The following CACNA1B variants were observed in gnomAD, a reference collection of about 807,000 sequenced individuals.
The protein encoded by CACNA1B is voltage-dependent N-type calcium channel subunit alpha-1B.
A neutral mutation model predicts 247.2 loss-of-function variants in CACNA1B; 70 were observed. The observed-to-expected ratio is 0.28, with a 90% CI of 0.23 to 0.35. The LOEUF (loss-of-function observed/expected upper bound fraction) is 0.35. Ranked by LOEUF, CACNA1B falls within the 10% of genes least tolerant of loss-of-function variation. CACNA1B has a pLI of 1.00. For synonymous variants in CACNA1B, 1,231 were observed against 1,294.4 expected, an observed-to-expected ratio of 0.95 and a Z score of 1.05; for missense variants, 2,367 against 3,197.4, an observed-to-expected ratio of 0.74 and a Z score of 6.26.
chr9:138,112,633 T>C lies in CACNA1B; in HGVS notation c.5536+128T>C, dbSNP rs1961681764. The C allele has an allele frequency of 4.5e-6, 3 of 659,758 alleles. No individual in the cohort carries two copies. The Admixed American group carries it at 6.9e-5, about 15-fold the overall frequency. 40.9% of individuals were successfully genotyped at this position (659,758 alleles called of 1,614,324 possible). A position where few individuals can be genotyped will look rare whatever the true frequency, so the allele number is the denominator to read the frequency against. On this transcript the variant is annotated intron_variant, in intron 40 of 46. Coordinates refer to ENST00000371372, the MANE Select transcript of CACNA1B (RefSeq NM_000718.4). Reference sequence around the variant, plus strand: ...ACCTTGGAGAGGTGGGCTCACCTCCTCATGAATCTGCCCTCAGCTCCAACC... The same window carrying C: ...ACCTTGGAGAGGTGGGCTCACCTCCCCATGAATCTGCCCTCAGCTCCAACC...
In CACNA1B at chr9:138,058,469, G is replaced by C. The variant is rs1959595097; in HGVS notation, c.4309-100G>C. ...TGCTTCAATTTGTCTTCTGTTGTCA[G>C]GGCTCCCTGTGAGGCCTGGCGAGAC... On this transcript the variant is annotated intron_variant, in intron 28 of 46. Coordinates refer to ENST00000371372, the MANE Select transcript of CACNA1B (RefSeq NM_000718.4). This position sits in a 1 kb window ranked among gnomAD's most constrained non-coding sequence, Gnocchi z 4.7. 1 of 1,150,842 alleles carries C rather than the reference G, an allele frequency of 8.7e-7. No individual in the cohort carries two copies. The highest frequency in any genetic ancestry group is 1.2e-6 in the Non-Finnish European group (1 of 807,956). The allele number at this position is 1,150,842 out of a possible 1,614,324, so 71.3% of individuals were successfully genotyped here.
At chr9:138,019,724 G>A (rs1958819188) in intron 18 of CACNA1B, among the ~76,000 whole-genome samples, 1 of 152,194 alleles carries the variant, frequency 6.6e-6, no homozygotes, top group Non-Finnish European at 1.5e-5. Context: ...TTTGCTGCTG[G>A]CTGTCAGAGG....
At chr9:137,900,652 CTG>C (rs1398911211) in intron 3 of CACNA1B, among the ~76,000 whole-genome samples, 2 of 143,516 alleles carry the variant, frequency 1.4e-5, no homozygotes, top group African/African-American at 2.6e-5. Context: ...TGTGTCTGTG[CTG>C]TGTGTCCCTG....
intron 36 of CACNA1B, among the ~76,000 whole-genome samples, chr9:138,091,664 C>T (rs1367419723): frequency 6.6e-6 from 1 of 151,670 alleles, no homozygotes; most frequent in Non-Finnish European, 1.5e-5. Flanking sequence ...TACTGTACCC[C>T]ATAAATATAT....
In CACNA1B at chr9:137,882,670, C is replaced by T. The variant is rs1414947658; in HGVS notation, c.391-74C>T. On this transcript the variant is annotated intron_variant, in intron 2 of 46. Coordinates refer to ENST00000371372, the MANE Select transcript of CACNA1B (RefSeq NM_000718.4). This position sits in a 1 kb window ranked among gnomAD's most constrained non-coding sequence, Gnocchi z 4.0. The stretch of plus-strand genomic sequence containing the variant: ...TGGCCTGCACATGGTGGGGTGGGGT[C>T]CTCACCAACCGTCTCTGCCCGCTAC... 10 of 1,567,728 alleles carry T rather than the reference C, an allele frequency of 6.4e-6. No homozygotes were observed. Among genetic ancestry groups the T allele is most frequent in the Non-Finnish European group, 8.7e-6 (10 of 1,143,096 alleles).
intron 15 of CACNA1B, among the ~76,000 whole-genome samples, chr9:137,994,962 T>G (rs575591959): frequency 1.0e-3 from 153 of 152,270 alleles, no homozygotes; most frequent in South Asian, 5.8e-3. Flanking sequence ...CCCAGCACTT[T>G]GGAAGGCCAA....
chr9:138,096,525 G>A lies in CACNA1B; in HGVS notation c.5136G>A (p.Glu1712=), dbSNP rs1961060751. The A allele has an allele frequency of 6.2e-7, 1 of 1,612,864 alleles. No homozygotes were observed. Among genetic ancestry groups the A allele is most frequent in the Non-Finnish European group, 8.5e-7 (1 of 1,179,120 alleles). ...LFVAVIMDNF[E]YLTRDSSILG... is the part of the protein sequence containing the mutation. The stretch of plus-strand genomic sequence containing the variant: ...TGGCTGTGATCATGGACAATTTTGA[G>A]TACCTCACGCGGGACTCTTCCATCC... The change falls in exon 37 of 47, where the codon GAG becomes GAA. Residue 1712 remains glutamate, a synonymous_variant. Coordinates refer to ENST00000371372, the MANE Select transcript of CACNA1B (RefSeq NM_000718.4).
rs920376698 is a variant in CACNA1B, at chr9:137,880,740, C to T, written c.390+1581C>T. The stretch of plus-strand genomic sequence containing the variant: ...TCTTGACCAGTCCCAGTCCCATGTG[C>T]AGGCCCAGCCATTGATGTCCCCTGG... On this transcript the variant is annotated intron_variant, in intron 2 of 46. Transcript: ENST00000371372. This position sits in a 1 kb window ranked among gnomAD's most constrained non-coding sequence, Gnocchi z 4.8. Among the ~76,000 whole-genome samples the T allele has an allele frequency of 2.0e-5, 3 of 152,174 alleles. No individual in the cohort carries two copies. Among genetic ancestry groups the T allele is most frequent in the African/African-American group, 7.2e-5 (3 of 41,436 alleles).
At position 137,983,604 on chromosome 9, in the gene CACNA1B, T is replaced by C. The variant is rs73570241; in HGVS notation, c.1657-534T>C. On this transcript the variant is annotated intron_variant, in intron 12 of 46. Transcript: ENST00000371372. ...GGTGGCATGTGCTGTTTCCTGGTCATTGGGAGAAGAAAAGACTCAAGATGC... is the reference window on the plus strand; with the variant it reads ...GGTGGCATGTGCTGTTTCCTGGTCACTGGGAGAAGAAAAGACTCAAGATGC... Among the ~76,000 whole-genome samples the C allele has an allele frequency of 8.4e-3, 1,273 of 152,180 alleles. 25 individuals are homozygous for C. The highest frequency in any genetic ancestry group is 0.029 in the African/African-American group (1,222 of 41,536).
intron 32 of CACNA1B, among the ~76,000 whole-genome samples, chr9:138,071,381 C>T (rs968852838): frequency 8.5e-5 from 13 of 152,180 alleles, no homozygotes; most frequent in Non-Finnish European, 1.6e-4. Flanking sequence ...TGTCTGCCTC[C>T]GAGGGGCTGG....
intron 5 of CACNA1B, among the ~76,000 whole-genome samples, chr9:137,915,185 G>C (rs556064248): frequency 9.2e-5 from 14 of 152,348 alleles, no homozygotes; most frequent in South Asian, 4.1e-4. Context: ...AGTAGTAGTA[G>C]GTGCAAAGGC....
chr9:137,886,615 G>A (rs558540785), intron 3 of CACNA1B, among the ~76,000 whole-genome samples: 11 of 151,296 alleles, frequency 7.3e-5, no homozygotes, highest in African/African-American at 2.7e-4. Context: ...GACACCTCCC[G>A]GGCCTGGTCT....
rs1958197960 is a variant in CACNA1B at position 137,974,732 on chromosome 9, A to G, written c.1544-1175A>G. Among the ~76,000 whole-genome samples, 1 of 152,150 alleles carries G rather than the reference A, an allele frequency of 6.6e-6. No homozygotes were observed. Among genetic ancestry groups the G allele is most frequent in the Non-Finnish European group, 1.5e-5 (1 of 68,022 alleles). On this transcript the variant is annotated intron_variant, in intron 11 of 46. Transcript: ENST00000371372. This position sits in a 1 kb window ranked among gnomAD's most constrained non-coding sequence, Gnocchi z 4.5. ...TCCCGTGTCCCAACAGAGACTGTAGAGGGGGATTCAGAAGCCCTGGGAAGG... is the reference window on the plus strand; with the variant it reads ...TCCCGTGTCCCAACAGAGACTGTAGGGGGGGATTCAGAAGCCCTGGGAAGG...
rs1957423504 is a variant in CACNA1B, at chr9:137,917,315, C to T, written c.850C>T (p.Arg284Trp). The T allele has an allele frequency of 6.2e-7, 1 of 1,613,966 alleles. No homozygotes were observed. Among genetic ancestry groups the T allele is most frequent in the Non-Finnish European group, 8.5e-7 (1 of 1,179,854 alleles). Residue 284 changes from arginine to tryptophan, a missense_variant, in exon 6 of 47, where the codon CGG becomes TGG. This residue lies in a region of CACNA1B where 130 missense variants were observed against 338.7 expected (regional missense o/e 0.38). Coordinates refer to ENST00000371372, the MANE Select transcript of CACNA1B (RefSeq NM_000718.4). The surrounding 1 kb of genome is among the most constrained non-coding windows in gnomAD (Gnocchi z 5.5). ...ARLCEGDTEC[R>W]EYWPGPNFGI... ...GCTGTGCGAGGGCGACACTGAGTGCCGGGAGTACTGGCCAGGACCCAACTT... is the reference window on the plus strand; with the variant it reads ...GCTGTGCGAGGGCGACACTGAGTGCTGGGAGTACTGGCCAGGACCCAACTT...
intron 6 of CACNA1B, among the ~76,000 whole-genome samples, chr9:137,944,611 C>T (rs1957772824): frequency 2.0e-5 from 3 of 152,164 alleles, no homozygotes. Flanking sequence ...TTGAACATCT[C>T]CCCTGAGAGA....
rs563236309 is a variant in CACNA1B, at chr9:138,053,781, C to A, written c.3808-65C>A. On this transcript the variant is annotated intron_variant, in intron 25 of 46. Transcript: ENST00000371372. ...CCTCCCCGTGACCCTACCCTTCCCC[C>A]TCATGGCCCCACTCTCCCACCATGA... The A allele has an allele frequency of 1.4e-5, 18 of 1,314,328 alleles. No individual in the cohort carries two copies. The African/African-American group carries it at 1.9e-4, about 14-fold the overall frequency. 81.4% of individuals were successfully genotyped at this position (1,314,328 alleles called of 1,614,324 possible).
intron 43 of CACNA1B, 59 bp downstream of exon 43, chr9:138,118,140 G>C: frequency 3.2e-6 from 2 of 621,040 alleles, no homozygotes; most frequent in Non-Finnish European, 4.5e-6. Context: ...AGGGATGGGG[G>C]ATGTTTGAGA....
chr9:137,909,421 A>G (rs1957335940), intron 3 of CACNA1B, among the ~76,000 whole-genome samples: 1 of 152,240 alleles, frequency 6.6e-6, no homozygotes, highest in Admixed American at 6.5e-5. Flanking sequence ...TGCCTCTTCC[A>G]GGTACCTCAT....
At chr9:137,879,239 C>T (rs1564868379) in intron 2 of CACNA1B, 80 bp downstream of exon 2, 1 of 923,388 alleles carries the variant, frequency 1.1e-6, no homozygotes, top group Non-Finnish European at 1.7e-6. Flanking sequence ...TGCCTGAGAA[C>T]AGCTTCCTCG....
Sources: gnomAD v4.1 joint callset for allele counts (sites outside exome capture counted in the v4.1 genomes callset) on GRCh38, gnomAD v4.1.1 for gene constraint, gnomAD v4.1.1 regional missense constraint, Gnocchi (gnomAD v3.1) non-coding constraint, MANE v1.5 for transcripts, NCBI Gene and HGNC (gene_info 2026-07-23, HGNC 2026-07-21) for gene names.